Variants in NRCAM observed in about 807,000 individuals in gnomAD.
The protein encoded by NRCAM is NgCAM-related cell adhesion molecule.
NRCAM carries 83 observed loss-of-function variants against 156.5 expected under a neutral mutation model. The ratio of observed to expected loss-of-function variants is 0.53; its 90% CI spans 0.44 to 0.64. The LOEUF is 0.64. Among genes scored for constraint, NRCAM ranks in the 30% least tolerant of loss-of-function variants. The probability of loss-of-function intolerance (pLI) is 0.00; values close to 1 mark genes in which losing one functional copy is unlikely to be tolerated. For missense variants in NRCAM, 1,417 were observed against 1,597.3 expected (o/e 0.89, Z 1.92); for synonymous variants, 538 against 563.9 (o/e 0.95, Z 0.65).
chr7:108,379,328 T>G (rs142919415), intron 2 of NRCAM, among the ~76,000 whole-genome samples: 1 of 152,314 alleles, frequency 6.6e-6, no homozygotes, highest in East Asian at 1.9e-4. Context: ...GAAATTCTGG[T>G]GCATGCTACA....
At chr7:108,220,481 T>C (rs539011006) in intron 11 of NRCAM, among the ~76,000 whole-genome samples, 3 of 152,310 alleles carry the variant, frequency 2.0e-5, no homozygotes, top group East Asian at 1.9e-4. Flanking sequence ...AACAGCTTGA[T>C]ACTGGTATAA....
chr7:108,196,731 G>A (rs906987758), intron 14 of NRCAM, among the ~76,000 whole-genome samples: 2 of 152,130 alleles, frequency 1.3e-5, no homozygotes, highest in Non-Finnish European at 2.9e-5. Flanking sequence ...CATTGTGGGA[G>A]GGAATATAAG....
At chr7:108,328,811 G>A (rs1482528898) in intron 2 of NRCAM, among the ~76,000 whole-genome samples, 8 of 152,190 alleles carry the variant, frequency 5.3e-5, no homozygotes, top group Admixed American at 1.3e-4. Context: ...AGATTGTAAA[G>A]CTGTTACATA....
At chr7:108,227,926 C>T (rs765042305) in intron 8 of NRCAM, among the ~76,000 whole-genome samples, 1 of 152,090 alleles carries the variant, frequency 6.6e-6, no homozygotes, top group Admixed American at 6.6e-5. Context: ...GAAAGAACAT[C>T]GGTTCATCAT....
chr7:108,387,989 T>C (rs2099746799), intron 2 of NRCAM, among the ~76,000 whole-genome samples: 1 of 152,226 alleles, frequency 6.6e-6, no homozygotes, highest in African/African-American at 2.4e-5. Context: ...TCCAAGTCTT[T>C]GCTATTGTGA....
intron 2 of NRCAM, chr7:108,313,279 A>G (rs1310583820): frequency 1.3e-5 from 2 of 152,182 alleles, no homozygotes; most frequent in South Asian, 2.1e-4. Flanking sequence ...GTCAGCCTCA[A>G]TGTTTCCTTT....
chr7:108,167,750 G>A (rs545759480), intron 29 of NRCAM, among the ~76,000 whole-genome samples: 2 of 152,310 alleles, frequency 1.3e-5, no homozygotes, highest in South Asian at 4.1e-4. Flanking sequence ...CCCAGTAGAT[G>A]TGGCCAGGAT....
At chr7:108,244,148 C>G (rs754104983) in intron 3 of NRCAM, among the ~76,000 whole-genome samples, 1 of 152,030 alleles carries the variant, frequency 6.6e-6, no homozygotes, top group East Asian at 1.9e-4. Context: ...AGCTCTCTAC[C>G]AGAATTTGAA....
intron 11 of NRCAM, among the ~76,000 whole-genome samples, chr7:108,222,108 T>C (rs767405568): frequency 2.3e-4 from 35 of 152,178 alleles, no homozygotes; most frequent in Middle Eastern, 6.3e-3. Context: ...TCTATATACA[T>C]GTGGAATCTG....
chr7:108,395,741 A>C (rs370881115), intron 2 of NRCAM, among the ~76,000 whole-genome samples: 176 of 152,260 alleles, frequency 1.2e-3, no homozygotes, highest in African/African-American at 4.0e-3. Context: ...ACTAACATAA[A>C]TTGCATGCAT....
chr7:108,262,560 G>T (rs2096926150), intron 3 of NRCAM, among the ~76,000 whole-genome samples: 1 of 152,142 alleles, frequency 6.6e-6, no homozygotes, highest in South Asian at 2.1e-4. Context: ...TCTTTCTACA[G>T]CATGGGAACA....
intron 11 of NRCAM, among the ~76,000 whole-genome samples, chr7:108,215,593 T>C (rs1391958728): frequency 6.6e-6 from 1 of 152,146 alleles, no homozygotes; most frequent in African/African-American, 2.4e-5. Context: ...TGGGTGCTTC[T>C]GTATTGGCTC....
At chr7:108,202,508 TCA>T (rs2078710661) in intron 13 of NRCAM, among the ~76,000 whole-genome samples, 1 of 152,212 alleles carries the variant, frequency 6.6e-6, no homozygotes, top group Non-Finnish European at 1.5e-5. Flanking sequence ...TCTCAGTTAG[TCA>T]ACTTTGTAAA....
At chr7:108,256,547 C>A (rs941685866) in intron 3 of NRCAM, among the ~76,000 whole-genome samples, 187 of 151,706 alleles carry the variant, frequency 1.2e-3, no homozygotes, top group Non-Finnish European at 2.0e-3. Context: ...TGTTTATCTG[C>A]TGACCTTCCC....
chr7:108,177,605 AGAGC>A (rs1489138715), intron 26 of NRCAM, among the ~76,000 whole-genome samples: 1 of 150,412 alleles, frequency 6.6e-6, no homozygotes, highest in Non-Finnish European at 1.5e-5. Flanking sequence ...CCTGGGTGAC[AGAGC>A]GAGACTCCAT....
chr7:108,433,602 T>C (rs1828448165), intron 1 of NRCAM, among the ~76,000 whole-genome samples: 1 of 152,148 alleles, frequency 6.6e-6, no homozygotes, highest in South Asian at 2.1e-4. Flanking sequence ...CTTTTCACTG[T>C]ATTAGTTCCC....
intron 3 of NRCAM, among the ~76,000 whole-genome samples, chr7:108,277,660 C>G (rs1455807369): frequency 6.6e-6 from 1 of 151,886 alleles, no homozygotes; most frequent in Non-Finnish European, 1.5e-5. Flanking sequence ...AGGTTTTTAC[C>G]TTCTTTGTGA....
chr7:108,231,162 TA>T lies in NRCAM; in HGVS notation c.428-10del. On this transcript the variant is annotated splice_polypyrimidine_tract_variant and intron_variant, in intron 7 of 32. Coordinates refer to ENST00000379028, the MANE Select transcript of NRCAM (RefSeq NM_001037132.4). ...GGTCCACAATGGTGATCCTATTAAA[TA>T]AAAAAATAACTTCTCAGTTATTTCT... The T allele has an allele frequency of 3.2e-6, 5 of 1,561,380 alleles. No individual in the cohort carries two copies. The highest frequency in any genetic ancestry group is 4.3e-6 in the Non-Finnish European group (5 of 1,161,758).
intron 27 of NRCAM, 92 bp downstream of exon 27, chr7:108,176,338 A>C (rs2060484707): frequency 9.0e-7 from 1 of 1,115,392 alleles, no homozygotes. Flanking sequence ...GGTAAGACAG[A>C]CGTTCCATAG....
Sources: gnomAD v4.1 joint callset for allele counts (sites outside exome capture counted in the v4.1 genomes callset) on GRCh38, gnomAD v4.1.1 for gene constraint, MANE v1.5 for transcripts, NCBI Gene and HGNC (gene_info 2026-07-23, HGNC 2026-07-21) for gene names.